ASB5: variants seen among roughly 807,000 people sequenced by gnomAD.
ASB5 encodes ankyrin repeat and SOCS box containing 5.
ASB5 carries 45 observed loss-of-function variants against 42.1 expected under a neutral mutation model. The observed-to-expected ratio is 1.07, with a 90% CI of 0.84 to 1.37. ASB5 has a LOEUF of 1.37. ASB5 is among the 40% of genes most tolerant of loss of function. ASB5 has a pLI of 0.00. For missense variants in ASB5, 402 were observed against 399.8 expected (o/e 1.01, Z -0.05); for synonymous variants, 147 against 150.6 (o/e 0.98, Z 0.18).
At chr4:176,218,822 A>ATATT (rs1232256543) in intron 5 of ASB5, among the ~76,000 whole-genome samples, 1 of 19,262 alleles carries the variant, frequency 5.2e-5, no homozygotes, top group Non-Finnish European at 9.1e-5. Flanking sequence ...ATAAATATAT[A>ATATT]TGTATGATAT....
At position 176,224,191 on chromosome 4, in the gene ASB5, G is replaced by A. The variant is rs80215174; in HGVS notation, c.276+1071C>T. On this transcript the variant is annotated intron_variant, in intron 2 of 6. Transcript: ENST00000296525. ...CTCCTTGAGACTGGGAAACAGTAGCGCATGACTTCCAGATCTGGATGTGCA... is the reference window on the plus strand; with the variant it reads ...CTCCTTGAGACTGGGAAACAGTAGCACATGACTTCCAGATCTGGATGTGCA... Among the ~76,000 whole-genome samples the A allele has an allele frequency of 2.0e-4, 29 of 148,274 alleles. No individual in the cohort carries two copies. The East Asian group carries it at 4.0e-3, about 21-fold the overall frequency.
At chr4:176,237,926 G>C (rs550378306) in intron 1 of ASB5, among the ~76,000 whole-genome samples, 9 of 152,288 alleles carry the variant, frequency 5.9e-5, no homozygotes, top group African/African-American at 1.9e-4. Context: ...GAGTAAGTAT[G>C]AGATGTGCCT....
chr4:176,242,827 A>AT (rs1411615522), intron 1 of ASB5, among the ~76,000 whole-genome samples: 1 of 151,978 alleles, frequency 6.6e-6, no homozygotes, highest in African/African-American at 2.4e-5. Context: ...ACTTTAAAAT[A>AT]TTTTTTCTTA....
At chr4:176,255,179 T>G (rs922151283) in intron 1 of ASB5, among the ~76,000 whole-genome samples, 8 of 152,114 alleles carry the variant, frequency 5.3e-5, no homozygotes, top group African/African-American at 1.9e-4. Context: ...ACCATCTCAC[T>G]TTGGTCAGAA....
At chr4:176,273,957 C>G (rs1754520198), upstream of ASB5, among the ~76,000 whole-genome samples, 1 of 152,074 alleles carries the variant, frequency 6.6e-6, no homozygotes. Flanking sequence ...CGTATCTTGC[C>G]CAACCTAAGT....
chr4:176,230,350 AT>A (rs1180349448), intron 1 of ASB5, among the ~76,000 whole-genome samples: 1 of 152,192 alleles, frequency 6.6e-6, no homozygotes, highest in African/African-American at 2.4e-5. Context: ...ACATAAAACA[AT>A]TGAGTGATTT....
In ASB5 at chr4:176,240,369, T is replaced by G. The variant is rs564149672; in HGVS notation, c.197-15028A>C. 4.0e-4 allele frequency among the ~76,000 whole-genome samples: 61 copies of G among 152,304 alleles called. 3 individuals are homozygous for G. In the South Asian group the frequency reaches 0.013, roughly 32 times the overall value. On this transcript the variant is annotated intron_variant, in intron 1 of 6. Transcript: ENST00000296525. Reference sequence around the variant, plus strand: ...AGGCAATTCTATCTCCAGGAACTATTGTATTTCCATTTTAACCAGTGCTAA... The same window carrying G: ...AGGCAATTCTATCTCCAGGAACTATGGTATTTCCATTTTAACCAGTGCTAA...
Position 176,267,005 on chromosome 4 carries a change from C to T in ASB5, c.196+1908G>A, listed in dbSNP as rs543226494. Among the ~76,000 whole-genome samples, 3 of 152,130 alleles carry T rather than the reference C, an allele frequency of 2.0e-5. No homozygotes were observed. In the East Asian group the frequency reaches 5.8e-4, roughly 29 times the overall value. On this transcript the variant is annotated intron_variant, in intron 1 of 6. Coordinates refer to ENST00000296525, the MANE Select transcript of ASB5 (RefSeq NM_080874.4). The stretch of plus-strand genomic sequence containing the variant: ...GTTTCTTTTTATTTGAAAATATGTA[C>T]AAAAAGGAGCTTCCATGGCCTCCTC...
At chr4:176,273,395 C>T (rs562912576), upstream of ASB5, among the ~76,000 whole-genome samples, 38 of 152,076 alleles carry the variant, frequency 2.5e-4, no homozygotes, top group South Asian at 2.3e-3. Context: ...AATATATTCA[C>T]TATTGCATTT....
At chr4:176,220,318 A>G (rs748567444) in intron 5 of ASB5, among the ~76,000 whole-genome samples, 1 of 152,236 alleles carries the variant, frequency 6.6e-6, no homozygotes, top group Non-Finnish European at 1.5e-5. Flanking sequence ...TTTCTCAGCT[A>G]GCTAAGATAA....
intron 1 of ASB5, among the ~76,000 whole-genome samples, chr4:176,252,091 AAAAAAAG>A (rs1754052024): frequency 1.3e-5 from 2 of 151,516 alleles, no homozygotes; most frequent in Admixed American, 6.6e-5. Context: ...AAAGAAAAAA[AAAAAAAG>A]AAAAAGACAC....
intron 1 of ASB5, among the ~76,000 whole-genome samples, chr4:176,257,533 A>G (rs1423551297): frequency 6.6e-6 from 1 of 152,222 alleles, no homozygotes; most frequent in East Asian, 1.9e-4. Context: ...GGAACAGCTC[A>G]GAATGTCTTA....
intron 5 of ASB5, 65 bp from the exon 6 acceptor site, chr4:176,217,074 T>C (rs951546761): frequency 1.7e-5 from 23 of 1,367,992 alleles, no homozygotes; most frequent in Non-Finnish European, 2.1e-5. Context: ...GCTGCCTCAG[T>C]GGGGATAGAA....
At chr4:176,246,217 G>A (rs888974941) in intron 1 of ASB5, among the ~76,000 whole-genome samples, 4 of 152,056 alleles carry the variant, frequency 2.6e-5, no homozygotes, top group African/African-American at 7.2e-5. Context: ...TAACCATAAG[G>A]GGAAAGGCTT....
At chr4:176,248,842 A>G (rs1386330922) in intron 1 of ASB5, among the ~76,000 whole-genome samples, 1 of 152,228 alleles carries the variant, frequency 6.6e-6, no homozygotes, top group Non-Finnish European at 1.5e-5. Context: ...TGATTACTAT[A>G]AAAACTAGTC....
chr4:176,216,742 C>T (rs1752980622), intron 6 of ASB5, 76 bp downstream of exon 6: 4 of 1,274,822 alleles, frequency 3.1e-6, no homozygotes, highest in Non-Finnish European at 4.3e-6. Context: ...TCCATGCCAA[C>T]AAAAACTCTC....
At chr4:176,267,206 A>G (rs527683367) in intron 1 of ASB5, among the ~76,000 whole-genome samples, 13 of 152,340 alleles carry the variant, frequency 8.5e-5, no homozygotes, top group Non-Finnish European at 1.6e-4. Context: ...TTACTCGTGT[A>G]TCTGCAAATA....
chr4:176,216,836 T>C lies in ASB5; in HGVS notation c.844A>G (p.Ile282Val), dbSNP rs1331452161. The change falls in exon 6 of 7, where the codon ATA (isoleucine) becomes GTA (valine). Residue 282 changes from isoleucine to valine, a missense_variant. Transcript: ENST00000296525. ...VATSSSMVER[I>V]LLQHEATPSS... is the part of the protein sequence containing the mutation. The stretch of plus-strand genomic sequence containing the variant: ...TTCTTACCTTCATGTTGAAGCAATA[T>C]CCTTTCCACCATACTGCTAGACGTA... 7 of 1,593,568 alleles carry C rather than the reference T, an allele frequency of 4.4e-6. No individual in the cohort carries two copies. Among genetic ancestry groups the C allele is most frequent in the Non-Finnish European group, 6.0e-6 (7 of 1,173,396 alleles).
chr4:176,256,916 A>G (rs1272303401), intron 1 of ASB5, among the ~76,000 whole-genome samples: 1 of 152,170 alleles, frequency 6.6e-6, no homozygotes, highest in Admixed American at 6.5e-5. Context: ...CAAGAAAAAA[A>G]GAAAAGAAAA....
Sources: gnomAD v4.1 joint callset for allele counts (sites outside exome capture counted in the v4.1 genomes callset) on GRCh38, gnomAD v4.1.1 for gene constraint, MANE v1.5 for transcripts, NCBI Gene and HGNC (gene_info 2026-07-23, HGNC 2026-07-21) for gene names.